Variants in CAAP1 observed in about 807,000 individuals in gnomAD.
CAAP1 encodes conserved anti-apoptotic protein.
CAAP1 carries 20 observed loss-of-function variants against 34.0 expected under a neutral mutation model. That is an observed-to-expected ratio of 0.59 (90% CI 0.41 to 0.86). CAAP1 has a LOEUF of 0.86. Among genes scored for constraint, CAAP1 ranks in the 40% least tolerant of loss-of-function variants. The probability of loss-of-function intolerance (pLI) is 0.00; values close to 1 mark genes in which losing one functional copy is unlikely to be tolerated. For missense variants in CAAP1, 538 were observed against 450.5 expected, an observed-to-expected ratio of 1.19 and a Z score of -1.76; for synonymous variants, 213 against 166.7, an observed-to-expected ratio of 1.28 and a Z score of -2.14.
intron 3 of CAAP1, among the ~76,000 whole-genome samples, chr9:26,885,343 G>A (rs1823711822): frequency 6.6e-6 from 1 of 152,100 alleles, no homozygotes; most frequent in Admixed American, 6.5e-5. Context: ...CCAAAGTGCT[G>A]GGATTACAGG....
intron 4 of CAAP1, 110 bp downstream of exon 4, chr9:26,884,700 G>T: frequency 1.2e-6 from 1 of 836,362 alleles, no homozygotes; most frequent in Non-Finnish European, 2.0e-6. Flanking sequence ...CTATACCACT[G>T]AATGATTTTA....
At chr9:26,890,486 T>A (rs1388493320) in intron 1 of CAAP1, among the ~76,000 whole-genome samples, 1 of 150,656 alleles carries the variant, frequency 6.6e-6, no homozygotes, top group Non-Finnish European at 1.5e-5. Flanking sequence ...TTTTAAAGAG[T>A]GTCTTAAAAA....
chr9:26,853,406 A>G (rs1822800045), intron 5 of CAAP1, among the ~76,000 whole-genome samples: 1 of 152,226 alleles, frequency 6.6e-6, no homozygotes, highest in Non-Finnish European at 1.5e-5. Context: ...CTTATTGGAC[A>G]TTTAATAAGT....
chr9:26,868,866 T>C (rs954105280), intron 4 of CAAP1, among the ~76,000 whole-genome samples: 2 of 152,228 alleles, frequency 1.3e-5, no homozygotes, highest in Non-Finnish European at 2.9e-5. Context: ...ATGCAATGTG[T>C]ACTCTTGCTT....
chr9:26,881,301 A>G (rs77974553), intron 4 of CAAP1, among the ~76,000 whole-genome samples: 5,500 of 152,320 alleles, frequency 0.036, 165 homozygotes, highest in South Asian at 0.1. Context: ...AAAAAGTTAA[A>G]TAGCTACTAT....
chr9:26,886,913 T>G (rs964903622), intron 2 of CAAP1, among the ~76,000 whole-genome samples: 3 of 152,156 alleles, frequency 2.0e-5, no homozygotes, highest in African/African-American at 7.2e-5. Flanking sequence ...GATGTAAACA[T>G]CCAATTAAAA....
At chr9:26,876,204 T>A (rs530445985) in intron 4 of CAAP1, among the ~76,000 whole-genome samples, 1 of 152,210 alleles carries the variant, frequency 6.6e-6, no homozygotes, top group Non-Finnish European at 1.5e-5. Flanking sequence ...TTCCTCCATC[T>A]TCCAAGCACA....
chr9:26,892,454 T>G lies in CAAP1; in HGVS notation c.262A>C (p.Arg88=), dbSNP rs1171924401. The change falls in exon 1 of 6, where the codon AGG becomes CGG. Residue 88 remains arginine (R), a synonymous_variant. Transcript: ENST00000333916. The part of the protein sequence containing the change: ...SVERSERRKR[R]STDSSSVSGS... Reference sequence around the variant, plus strand: ...GAGACGCTGGAAGAGTCGGTACTCCTCCGCTTCCGGCGCTCGCTGCGCTCC... The same window carrying G: ...GAGACGCTGGAAGAGTCGGTACTCCGCCGCTTCCGGCGCTCGCTGCGCTCC... The G allele has an allele frequency of 1.3e-6, 2 of 1,584,202 alleles. No homozygotes were observed. Among genetic ancestry groups the G allele is most frequent in the African/African-American group, 1.3e-5 (1 of 74,354 alleles).
chr9:26,877,787 ATTTG>A lies in CAAP1; in HGVS notation c.665+7019_665+7022del, dbSNP rs1380472084. ...GAGCACTTTCAATTTGAAGACTTAA[ATTTG>A]TTTTTCAGGTCAGAAAAATTTTCCT... is the stretch of plus-strand genomic sequence containing the variant. On this transcript the variant is annotated intron_variant, in intron 4 of 5. Coordinates refer to ENST00000333916, the MANE Select transcript of CAAP1 (RefSeq NM_024828.4). 2.0e-5 allele frequency among the ~76,000 whole-genome samples: 3 copies of A among 152,048 alleles called. No individual in the cohort carries two copies. In the East Asian group the frequency reaches 5.8e-4, roughly 29 times the overall value.
chr9:26,884,743 G>C (rs759369558), intron 4 of CAAP1, 67 bp downstream of exon 4: 29 of 1,051,468 alleles, frequency 2.8e-5, no homozygotes, highest in Non-Finnish European at 3.5e-5. Flanking sequence ...TCATATCTTT[G>C]ACATAAGAAA....
intron 5 of CAAP1, among the ~76,000 whole-genome samples, chr9:26,852,556 A>C (rs1269005536): frequency 2.6e-5 from 4 of 152,178 alleles, no homozygotes; most frequent in African/African-American, 9.7e-5. Context: ...ATAATCTTAA[A>C]AACAGTAGTT....
intron 4 of CAAP1, among the ~76,000 whole-genome samples, chr9:26,881,394 T>C (rs1024558597): frequency 3.3e-5 from 5 of 152,212 alleles, no homozygotes; most frequent in Admixed American, 6.5e-5. Context: ...TTCCCACATA[T>C]TGTAGGAGCA....
intron 4 of CAAP1, among the ~76,000 whole-genome samples, chr9:26,870,893 A>G (rs1587112225): frequency 6.6e-6 from 1 of 152,128 alleles, no homozygotes; most frequent in Admixed American, 6.5e-5. Context: ...CTGGGATTAC[A>G]GGCGTGAGCC....
chr9:26,870,059 T>TA (rs4007473), intron 4 of CAAP1: 271 of 414,358 alleles, frequency 6.5e-4, no homozygotes, highest in African/African-American at 5.5e-3. Context: ...TTTTTTTTTT[T>TA]AACGCAGATG....
At chr9:26,875,446 A>G (rs937488509) in intron 4 of CAAP1, among the ~76,000 whole-genome samples, 2 of 152,162 alleles carry the variant, frequency 1.3e-5, no homozygotes, top group African/African-American at 4.8e-5. Context: ...CACTATAATA[A>G]AAGAGCATAG....
At chr9:26,878,772 C>T (rs900257531) in intron 4 of CAAP1, among the ~76,000 whole-genome samples, 1 of 151,760 alleles carries the variant, frequency 6.6e-6, no homozygotes, top group Non-Finnish European at 1.5e-5. Context: ...GCCAAGACTG[C>T]ACACCGTACT....
chr9:26,863,046 A>T (rs1823041849), intron 4 of CAAP1, among the ~76,000 whole-genome samples: 1 of 152,168 alleles, frequency 6.6e-6, no homozygotes, highest in South Asian at 2.1e-4. Flanking sequence ...ACATTGTAAT[A>T]AGTCTGAAAG....
intron 4 of CAAP1, among the ~76,000 whole-genome samples, chr9:26,879,719 T>A (rs1489608395): frequency 6.6e-6 from 1 of 152,208 alleles, no homozygotes; most frequent in African/African-American, 2.4e-5. Flanking sequence ...GCTTCATCTT[T>A]CTCCCATGCT....
intron 4 of CAAP1, among the ~76,000 whole-genome samples, chr9:26,879,914 C>T (rs1823544498): frequency 6.6e-6 from 1 of 152,188 alleles, no homozygotes; most frequent in Admixed American, 6.5e-5. Flanking sequence ...AACCTGCAGA[C>T]AGCCTATTGT....
Sources: allele counts gnomAD v4.1 joint callset (sites outside exome capture counted in the v4.1 genomes callset), GRCh38; gene constraint gnomAD v4.1.1; transcripts MANE v1.5; gene names NCBI Gene and HGNC (gene_info 2026-07-23, HGNC 2026-07-21).